NALF1: variants seen among roughly 807,000 people sequenced by gnomAD.
NALF1 encodes the protein NALCN channel auxiliary factor 1, also known as family with sequence similarity 155 member A.
Under a neutral mutation model 48.4 loss-of-function variants are expected in NALF1, and 3 were observed. That is an observed-to-expected ratio of 0.06 (90% CI 0.03 to 0.16). The LOEUF is 0.16. Among genes scored for constraint, NALF1 ranks in the 10% least tolerant of loss-of-function variants. The pLI is 1.00. For missense variants in NALF1, 526 were observed against 571.5 expected, an observed-to-expected ratio of 0.92 and a Z score of 0.81; for synonymous variants, 262 against 245.7, an observed-to-expected ratio of 1.07 and a Z score of -0.62.
intron 1 of NALF1, among the ~76,000 whole-genome samples, chr13:107,368,177 A>T (rs989319162): frequency 2.6e-5 from 4 of 152,180 alleles, no homozygotes; most frequent in African/African-American, 9.7e-5. Context: ...CCCCATACTA[A>T]AAGTTATAAC....
At chr13:107,546,641 C>T (rs767730540) in intron 1 of NALF1, among the ~76,000 whole-genome samples, 27 of 151,404 alleles carry the variant, frequency 1.8e-4, no homozygotes, top group Non-Finnish European at 2.8e-4. Context: ...CTCTCTCTCC[C>T]GCCCTCTCTC....
At chr13:107,656,997 C>T (rs920443691) in intron 1 of NALF1, among the ~76,000 whole-genome samples, 2 of 151,400 alleles carry the variant, frequency 1.3e-5, no homozygotes, top group Non-Finnish European at 2.9e-5. Context: ...ACTTTGAGGA[C>T]TGTGTGGGGG....
At chr13:107,831,218 AT>A (rs940367220) in intron 1 of NALF1, among the ~76,000 whole-genome samples, 5 of 152,226 alleles carry the variant, frequency 3.3e-5, no homozygotes, top group Non-Finnish European at 7.3e-5. Context: ...CAGTTTAAAA[AT>A]TCAAATGATC....
chr13:107,299,523 T>A (rs545198308), intron 1 of NALF1, among the ~76,000 whole-genome samples: 16 of 150,316 alleles, frequency 1.1e-4, no homozygotes, highest in African/African-American at 3.9e-4. Flanking sequence ...TACACTAACA[T>A]CCTATTTTTC....
At chr13:107,690,468 CAG>C (rs1881541310) in intron 1 of NALF1, among the ~76,000 whole-genome samples, 1 of 152,128 alleles carries the variant, frequency 6.6e-6, no homozygotes, top group African/African-American at 2.4e-5. Flanking sequence ...TACGTTTGTT[CAG>C]AGAGTTAAAG....
intron 1 of NALF1, among the ~76,000 whole-genome samples, chr13:107,546,124 C>A (rs1594121626): frequency 6.6e-6 from 1 of 152,072 alleles, no homozygotes; most frequent in Non-Finnish European, 1.5e-5. Context: ...GCCAACAACC[C>A]GATAAACCTG....
chr13:107,321,128 T>C (rs1882246934), intron 1 of NALF1, among the ~76,000 whole-genome samples: 1 of 152,098 alleles, frequency 6.6e-6, no homozygotes, highest in Non-Finnish European at 1.5e-5. Context: ...CTAGAAGACC[T>C]TTATCAAAAA....
intron 1 of NALF1, among the ~76,000 whole-genome samples, chr13:107,415,204 C>T: frequency 6.6e-6 from 1 of 152,130 alleles, no homozygotes; most frequent in South Asian, 2.1e-4. Context: ...TACATACATC[C>T]TATCTTCATA....
At chr13:107,595,000 T>C (rs189132620) in intron 1 of NALF1, among the ~76,000 whole-genome samples, 244 of 152,258 alleles carry the variant, frequency 1.6e-3, no homozygotes, top group Middle Eastern at 6.8e-3. Flanking sequence ...GATTATATAA[T>C]TTCAAATTTT....
chr13:107,721,987 C>A (rs947964310), intron 1 of NALF1, among the ~76,000 whole-genome samples: 1 of 152,158 alleles, frequency 6.6e-6, no homozygotes, highest in South Asian at 2.1e-4. Context: ...GGTTCCCCCC[C>A]TCTTGCCTTT....
rs61686895 is a variant in NALF1, at chr13:107,438,827, C to CAAAAAAAAAAA, written c.916-228083_916-228073dup. ...TGGATGACAGAGTGAGACTCCATCTCAAAAAAAAAAAAAAAAAAAAAAAAG... is the reference window on the plus strand; with the variant it reads ...TGGATGACAGAGTGAGACTCCATCTCAAAAAAAAAAAAAAAAAAAAAAAAAAAAAAAAAAAG... On this transcript the variant is annotated intron_variant, in intron 1 of 2. Transcript: ENST00000375915. Among the ~76,000 whole-genome samples the CAAAAAAAAAAA allele has an allele frequency of 5.5e-3, 98 of 17,934 alleles. 3 individuals carry two copies. The highest frequency in any genetic ancestry group is 7.2e-3 in the East Asian group (4 of 554). The allele number at this position is 17,934 out of a possible 152,430, so 11.8% of individuals were successfully genotyped here.
At chr13:107,504,534 A>G (rs1164252388) in intron 1 of NALF1, among the ~76,000 whole-genome samples, 2 of 152,192 alleles carry the variant, frequency 1.3e-5, no homozygotes, top group African/African-American at 4.8e-5. Context: ...GATAAACCAC[A>G]TATGTACACA....
intron 1 of NALF1, among the ~76,000 whole-genome samples, chr13:107,568,476 AT>A (rs1877882992): frequency 6.6e-6 from 1 of 152,204 alleles, no homozygotes; most frequent in Non-Finnish European, 1.5e-5. Context: ...TCAGAGTGCA[AT>A]TATTGGGTTG....
chr13:107,459,947 G>C (rs560584114), intron 1 of NALF1, among the ~76,000 whole-genome samples: 1 of 152,200 alleles, frequency 6.6e-6, no homozygotes, highest in African/African-American at 2.4e-5. Flanking sequence ...TCACTATGTT[G>C]CCCAAACTGG....
chr13:107,398,638 C>G (rs6492051), intron 1 of NALF1, among the ~76,000 whole-genome samples: 23,170 of 151,972 alleles, frequency 0.15, 1,873 homozygotes, highest in South Asian at 0.25. Context: ...TGATAATAAG[C>G]AAACTTGACT....
intron 1 of NALF1, among the ~76,000 whole-genome samples, chr13:107,733,573 ATATC>A (rs71819215): frequency 0.027 from 4,104 of 152,300 alleles, 66 homozygotes; most frequent in African/African-American, 0.05. Flanking sequence ...AACACATCAT[ATATC>A]TATTACAGTT....
intron 1 of NALF1, among the ~76,000 whole-genome samples, chr13:107,380,860 A>C (rs905230062): frequency 2.3e-4 from 34 of 150,296 alleles, no homozygotes; most frequent in Non-Finnish European, 2.4e-4. Context: ...CGCCTGTAGT[A>C]CCAGCTACTC....
intron 1 of NALF1, among the ~76,000 whole-genome samples, chr13:107,578,664 CTT>C (rs901270080): frequency 2.0e-5 from 3 of 152,008 alleles, no homozygotes; most frequent in African/African-American, 7.2e-5. Context: ...TGATATGAAT[CTT>C]ATTTATTTTT....
chr13:107,768,658 C>G (rs1038419628), intron 1 of NALF1, among the ~76,000 whole-genome samples: 1 of 152,108 alleles, frequency 6.6e-6, no homozygotes, highest in Non-Finnish European at 1.5e-5. Context: ...CAAGTAAGGG[C>G]ATACAAAGTA....
Sources: gnomAD v4.1 joint callset for allele counts (sites outside exome capture counted in the v4.1 genomes callset) on GRCh38, gnomAD v4.1.1 for gene constraint, MANE v1.5 for transcripts, NCBI Gene and HGNC (gene_info 2026-07-23, HGNC 2026-07-21) for gene names.